Variants in DYSF observed in about 807,000 individuals in gnomAD.
DYSF encodes the protein dysferlin, also known as dystrophy-associated fer-1-like 1.
Under a neutral mutation model 274.9 loss-of-function variants are expected in DYSF, and 212 were observed. The observed-to-expected ratio is 0.77, with a 90% confidence interval of 0.69 to 0.86. The LOEUF (loss-of-function observed/expected upper bound fraction) is 0.86. Ranked by LOEUF, DYSF falls within the 40% of genes least tolerant of loss-of-function variation. The pLI is 0.00. For missense variants in DYSF, 2,666 were observed against 2,783.2 expected (o/e 0.96, Z 0.95); for synonymous variants, 1,091 against 1,078.7 (o/e 1.01, Z -0.22).
At chr2:71,501,750 T>C (rs2084990967) in intron 3 of DYSF, among the ~76,000 whole-genome samples, 1 of 152,250 alleles carries the variant, frequency 6.6e-6, no homozygotes, top group Non-Finnish European at 1.5e-5. Context: ...TTTTTGAGAC[T>C]GAATAATATT....
At chr2:71,472,176 C>G (rs2082081339) in intron 1 of DYSF, among the ~76,000 whole-genome samples, 2 of 152,170 alleles carry the variant, frequency 1.3e-5, no homozygotes, top group African/African-American at 4.8e-5. Context: ...CACTGTGAGG[C>G]ATATTCTGGT....
chr2:71,601,606 G>A (rs2093552568), intron 35 of DYSF, 78 bp downstream of exon 35: 2 of 1,593,222 alleles, frequency 1.3e-6, no homozygotes, highest in Non-Finnish European at 1.7e-6. Flanking sequence ...GGGTTAGGAA[G>A]GGTGGCCAGG....
At chr2:71,543,282 C>T in intron 17 of DYSF, among the ~76,000 whole-genome samples, 1 of 148,284 alleles carries the variant, frequency 6.7e-6, no homozygotes, top group African/African-American at 2.5e-5. Context: ...GGCAGAGGCA[C>T]TCCCCACATC....
intron 53 of DYSF, 64 bp from the exon 54 acceptor site, chr2:71,680,937 G>A (rs1389002243): frequency 1.4e-6 from 2 of 1,434,738 alleles, no homozygotes. Flanking sequence ...TTCTGGCCTG[G>A]TTACTCTCCA....
rs139166274 is a variant in DYSF at position 71,660,250 on chromosome 2, C to T, written c.4912-310C>T. ...CACAGAGAGGACCCCAGCCTGGTCTCGTCATGTGTGTAATGCAGACTGTTG... is the reference window on the plus strand; with the variant it reads ...CACAGAGAGGACCCCAGCCTGGTCTTGTCATGTGTGTAATGCAGACTGTTG... On this transcript the variant is annotated intron_variant, in intron 44 of 55. Coordinates refer to ENST00000410020, the MANE Select transcript of DYSF (RefSeq NM_001130987.2). 5.6e-4 allele frequency among the ~76,000 whole-genome samples: 86 copies of T among 152,322 alleles called. No homozygotes were observed. The East Asian group carries it at 6.4e-3, about 11-fold the overall frequency.
intron 47 of DYSF, among the ~76,000 whole-genome samples, chr2:71,666,155 G>A (rs756174730): frequency 1.3e-5 from 2 of 151,556 alleles, no homozygotes; most frequent in Non-Finnish European, 2.9e-5. Context: ...CCCATAGAAT[G>A]AGCATCTGTT....
intron 17 of DYSF, among the ~76,000 whole-genome samples, chr2:71,545,697 T>C (rs2090414387): frequency 1.3e-5 from 2 of 152,196 alleles, no homozygotes; most frequent in South Asian, 2.1e-4. Flanking sequence ...CATTTCTGAC[T>C]GTTTTCCGAC....
intron 24 of DYSF, among the ~76,000 whole-genome samples, chr2:71,564,841 G>C (rs886592868): frequency 1.3e-5 from 2 of 152,230 alleles, no homozygotes; most frequent in African/African-American, 4.8e-5. Context: ...CTTTGGGGAC[G>C]GGTGACAGGG....
At chr2:71,523,406 A>C (rs1296867457) in intron 12 of DYSF, among the ~76,000 whole-genome samples, 1 of 152,170 alleles carries the variant, frequency 6.6e-6, no homozygotes, top group Admixed American at 6.5e-5. Context: ...CTAAAAATTG[A>C]GGGTTTGTTA....
rs573031688 is a variant in DYSF at position 71,518,422 on chromosome 2, G to GTT, written c.1002+1397_1002+1398dup. Among the ~76,000 whole-genome samples the GTT allele has an allele frequency of 1.5e-4, 20 of 136,050 alleles. 1 individual carries two copies. Among genetic ancestry groups the GTT allele is most frequent in the South Asian group, 2.4e-4 (1 of 4,144 alleles). 89.3% of individuals were successfully genotyped at this position (136,050 alleles called of 152,430 possible). A position where few individuals can be genotyped will look rare whatever the true frequency, so the allele number is the denominator to read the frequency against. On this transcript the variant is annotated intron_variant, in intron 10 of 55. Coordinates refer to ENST00000410020, the MANE Select transcript of DYSF (RefSeq NM_001130987.2). ...GAGGCGTGTGCTACCACGCCTGGCA[G>GTT]TTTTTTTTTTTTTTTGGTATTTTTA... is the stretch of plus-strand genomic sequence containing the variant.
chr2:71,525,546 C>T (rs557673604), intron 12 of DYSF, among the ~76,000 whole-genome samples: 100 of 152,206 alleles, frequency 6.6e-4, no homozygotes, highest in African/African-American at 2.3e-3. Flanking sequence ...TTCTAATGTG[C>T]CGCCAAGTTT....
intron 17 of DYSF, among the ~76,000 whole-genome samples, chr2:71,544,908 G>T (rs2090344894): frequency 6.6e-6 from 1 of 152,190 alleles, no homozygotes; most frequent in South Asian, 2.1e-4. Flanking sequence ...GGCATAGAGG[G>T]TTGAACAAAG....
chr2:71,594,485 C>G (rs1303072586), intron 32 of DYSF, among the ~76,000 whole-genome samples: 1 of 152,182 alleles, frequency 6.6e-6, no homozygotes. Flanking sequence ...TGTTTAAGCA[C>G]TCATTAGCTC....
At chr2:71,549,651 C>G (rs1483081525) in intron 17 of DYSF, among the ~76,000 whole-genome samples, 1 of 151,004 alleles carries the variant, frequency 6.6e-6, no homozygotes, top group Non-Finnish European at 1.5e-5. Context: ...TGGGCTGATG[C>G]TCGAGTTAGA....
chr2:71,613,226 A>T, intron 39 of DYSF, 108 bp from the exon 40 acceptor site: 1 of 929,154 alleles, frequency 1.1e-6, no homozygotes. Context: ...AGAAATGTGG[A>T]GAGACTGCAG....
intron 36 of DYSF, 141 bp downstream of exon 36, chr2:71,602,946 C>T: frequency 9.7e-7 from 1 of 1,026,862 alleles, no homozygotes; most frequent in Non-Finnish European, 1.4e-6. Flanking sequence ...GGATTTTATT[C>T]CCCATGCTGT....
At chr2:71,502,935 C>G (rs1453465824) in intron 3 of DYSF, among the ~76,000 whole-genome samples, 1 of 152,104 alleles carries the variant, frequency 6.6e-6, no homozygotes, top group Non-Finnish European at 1.5e-5. Flanking sequence ...GTGGCTGGGC[C>G]TCTGGGGAGG....
At chr2:71,666,703 G>C (rs1050775361) in intron 47 of DYSF, among the ~76,000 whole-genome samples, 1 of 152,204 alleles carries the variant, frequency 6.6e-6, no homozygotes, top group Non-Finnish European at 1.5e-5. Flanking sequence ...CTGGGGACAG[G>C]CACCTAGGTT....
intron 1 of DYSF, among the ~76,000 whole-genome samples, chr2:71,470,737 T>TTTCCTTCCTTCCTTCCTTCCTTCCTTCC (rs56939256): frequency 1.0e-5 from 1 of 96,044 alleles, no homozygotes; most frequent in Non-Finnish European, 1.9e-5. Flanking sequence ...TCCTTCCTTC[T>TTTCCTTCCTTCCTTCCTTCCTTCCTTCC]TTCCTTCCTT....
Sources: gnomAD v4.1 joint callset for allele counts (sites outside exome capture counted in the v4.1 genomes callset) on GRCh38, gnomAD v4.1.1 for gene constraint, MANE v1.5 for transcripts, NCBI Gene and HGNC (gene_info 2026-07-23, HGNC 2026-07-21) for gene names.